HNF4G: variants seen among roughly 807,000 people sequenced by gnomAD.
The protein encoded by HNF4G is hepatocyte nuclear factor 4 gamma.
HNF4G carries 21 observed loss-of-function variants against 50.9 expected under a neutral mutation model. That is an observed-to-expected ratio of 0.41 (90% CI 0.29 to 0.59). HNF4G has a LOEUF of 0.59. Ranked by LOEUF, HNF4G falls within the 20% of genes least tolerant of loss-of-function variation. HNF4G has a pLI of 0.26. For missense variants in HNF4G, 527 were observed against 559.4 expected, an observed-to-expected ratio of 0.94 and a Z score of 0.58; for synonymous variants, 198 against 185.6, an observed-to-expected ratio of 1.07 and a Z score of -0.54.
At chr8:75,487,831 G>T (rs1812530450) in intron 1 of HNF4G, among the ~76,000 whole-genome samples, 1 of 152,168 alleles carries the variant, frequency 6.6e-6, no homozygotes, top group Non-Finnish European at 1.5e-5. Flanking sequence ...AAAGAGATTT[G>T]ACTCACAGTT....
At chr8:75,525,770 G>T (rs1193679957) in intron 2 of HNF4G, among the ~76,000 whole-genome samples, 1 of 152,182 alleles carries the variant, frequency 6.6e-6, no homozygotes, top group African/African-American at 2.4e-5. Flanking sequence ...AGCAGTCTCT[G>T]TAAGAAAAAG....
At chr8:75,540,379 G>A (rs148075015) in intron 1 of HNF4G, among the ~76,000 whole-genome samples, 118 of 152,234 alleles carry the variant, frequency 7.8e-4, no homozygotes, top group African/African-American at 2.7e-3. Context: ...TTTATTTGCT[G>A]TAAATCATAG....
intron 1 of HNF4G, among the ~76,000 whole-genome samples, chr8:75,449,714 A>G (rs1440793194): frequency 1.3e-5 from 2 of 151,862 alleles, no homozygotes; most frequent in Admixed American, 6.6e-5. Flanking sequence ...TCACCGTGTT[A>G]GCCCGGATGG....
At chr8:75,478,314 A>G (rs757108368) in intron 1 of HNF4G, among the ~76,000 whole-genome samples, 11 of 152,202 alleles carry the variant, frequency 7.2e-5, no homozygotes, top group Admixed American at 3.3e-4. Flanking sequence ...TTTAAATAGT[A>G]TTAGGGACAA....
At chr8:75,499,585 T>TAAC (rs35849856) in intron 2 of HNF4G, among the ~76,000 whole-genome samples, 120,557 of 151,428 alleles carry the variant, frequency 0.8, 48,733 homozygotes, top group African/African-American at 0.94. Flanking sequence ...AAAGAAAATT[T>TAAC]AACAACAAAA....
At chr8:75,535,311 G>A (rs1350400620), upstream of HNF4G, among the ~76,000 whole-genome samples, 1 of 151,384 alleles carries the variant, frequency 6.6e-6, no homozygotes, top group Admixed American at 6.6e-5. Context: ...TTCAAAAGAG[G>A]AAGAATGGTT....
intron 1 of HNF4G, among the ~76,000 whole-genome samples, chr8:75,454,549 A>G (rs960821040): frequency 7.9e-5 from 12 of 151,986 alleles, no homozygotes; most frequent in African/African-American, 2.9e-4. Context: ...CTCCAACCAC[A>G]TTGGCCTACC....
At chr8:75,428,549 A>G (rs1563502382) in intron 1 of HNF4G, among the ~76,000 whole-genome samples, 1 of 152,190 alleles carries the variant, frequency 6.6e-6, no homozygotes, top group South Asian at 2.1e-4. Context: ...TCTAATCAAG[A>G]AAGCGCAGAA....
At chr8:75,504,467 A>G (rs1813021067) in intron 2 of HNF4G, among the ~76,000 whole-genome samples, 1 of 151,412 alleles carries the variant, frequency 6.6e-6, no homozygotes, top group South Asian at 2.1e-4. Flanking sequence ...ATAACTCTTG[A>G]TATATACATA....
chr8:75,540,770 T>TA (rs928654820), intron 1 of HNF4G, among the ~76,000 whole-genome samples: 9 of 151,758 alleles, frequency 5.9e-5, no homozygotes, highest in South Asian at 2.1e-4. Context: ...TAATACCCGG[T>TA]AAAAAAAATC....
intron 2 of HNF4G, among the ~76,000 whole-genome samples, chr8:75,519,345 T>C (rs2130741995): frequency 6.6e-6 from 1 of 152,340 alleles, no homozygotes; most frequent in Admixed American, 6.5e-5. Context: ...TTCTGAGCCC[T>C]CCAAACTGTT....
At chr8:75,508,493 T>C (rs778000098) in intron 2 of HNF4G, among the ~76,000 whole-genome samples, 7 of 152,082 alleles carry the variant, frequency 4.6e-5, no homozygotes, top group Non-Finnish European at 1.0e-4. Flanking sequence ...TTATTAAATC[T>C]CTTAAAAAAG....
chr8:75,472,374 C>T (rs982987668), intron 1 of HNF4G, among the ~76,000 whole-genome samples: 13 of 152,174 alleles, frequency 8.5e-5, no homozygotes, highest in African/African-American at 2.9e-4. Flanking sequence ...ACTTTGAAAT[C>T]TCCATTGAAT....
At chr8:75,489,733 A>T (rs1433006389) in intron 1 of HNF4G, among the ~76,000 whole-genome samples, 2 of 152,214 alleles carry the variant, frequency 1.3e-5, no homozygotes, top group East Asian at 3.9e-4. Context: ...CCAAGGTGAA[A>T]TCACCATTTT....
At chr8:75,502,143 G>C (rs549714140) in intron 2 of HNF4G, among the ~76,000 whole-genome samples, 2 of 152,048 alleles carry the variant, frequency 1.3e-5, no homozygotes, top group African/African-American at 4.8e-5. Flanking sequence ...GAGCCACCGC[G>C]CCTGGCCCTG....
chr8:75,523,108 G>T (rs1280085728), intron 2 of HNF4G, among the ~76,000 whole-genome samples: 1 of 151,748 alleles, frequency 6.6e-6, no homozygotes, highest in Admixed American at 6.6e-5. Flanking sequence ...ACCTGTAATC[G>T]CAGCTACTTG....
In HNF4G at chr8:75,482,664, C is replaced by T. The variant is rs182340864; in HGVS notation, c.-143-7425C>T. Among the ~76,000 whole-genome samples, 65 of 152,182 alleles carry T rather than the reference C, an allele frequency of 4.3e-4. 1 individual carries two copies. Among genetic ancestry groups the T allele is most frequent in the African/African-American group, 1.3e-3 (56 of 41,546 alleles). On this transcript the variant is annotated intron_variant, in intron 1 of 10. Transcript: ENST00000354370. ...ATTACAGGTGTGAGCCACCGCCCCC[C>T]GGCTGGTTTTTGTTTTGTTTTGTTT...
At chr8:75,470,769 T>A (rs1050370667) in intron 1 of HNF4G, among the ~76,000 whole-genome samples, 20 of 152,226 alleles carry the variant, frequency 1.3e-4, no homozygotes, top group African/African-American at 3.9e-4. Flanking sequence ...GTGTTAATCC[T>A]GTTTTCTATT....
chr8:75,517,902 C>T (rs1455380474), intron 2 of HNF4G, among the ~76,000 whole-genome samples: 3 of 152,120 alleles, frequency 2.0e-5, no homozygotes, highest in Non-Finnish European at 4.4e-5. Flanking sequence ...GGGTTCCTCC[C>T]AGGCACCATA....
Sources: allele counts gnomAD v4.1 joint callset (sites outside exome capture counted in the v4.1 genomes callset), GRCh38; gene constraint gnomAD v4.1.1; transcripts MANE v1.5; gene names NCBI Gene and HGNC (gene_info 2026-07-23, HGNC 2026-07-21).